The following ASPG variants were observed in gnomAD, a reference collection of about 807,000 sequenced individuals.
ASPG encodes the protein 60 kDa lysophospholipase.
In ASPG, 53 loss-of-function variants were observed where a neutral mutation model predicts 63.2. The observed-to-expected ratio is 0.84, with a 90% CI of 0.67 to 1.05. The LOEUF is 1.05. Ranked by LOEUF, ASPG falls within the 50% of genes least tolerant of loss-of-function variation. The pLI is 0.00. For missense variants in ASPG, 741 were observed against 794.4 expected, an observed-to-expected ratio of 0.93 and a Z score of 0.81; for synonymous variants, 370 against 355.0, an observed-to-expected ratio of 1.04 and a Z score of -0.48.
At chr14:104,108,501 G>A in intron 12 of ASPG, 2 of 985,436 alleles carry the variant, frequency 2.0e-6, no homozygotes, top group Non-Finnish European at 2.4e-6. Context: ...TGGGGTATGG[G>A]GAGGCCACTG....
At chr14:104,085,964 G>T in intron 1 of ASPG, 112 bp downstream of exon 1, 1 of 1,003,192 alleles carries the variant, frequency 1.0e-6, no homozygotes, top group Non-Finnish European at 1.4e-6. Context: ...CGCCTGGATG[G>T]GGGGTGCGGG....
chr14:104,111,659 C>G, intron 14 of ASPG, 58 bp downstream of exon 14: 1 of 1,422,726 alleles, frequency 7.0e-7, no homozygotes. Flanking sequence ...GGAAGGACAC[C>G]TGGACAATTC....
At position 104,092,754 on chromosome 14, in the gene ASPG, T is replaced by G; in HGVS notation, c.191+13T>G. 5 of 1,531,286 alleles carry G rather than the reference T, an allele frequency of 3.3e-6. No homozygotes were observed. The South Asian group carries it at 6.0e-5, about 18-fold the overall frequency. 94.9% of individuals were successfully genotyped at this position (1,531,286 alleles called of 1,614,324 possible). A position where few individuals can be genotyped will look rare whatever the true frequency, so the allele number is the denominator to read the frequency against. ...CCCTGGTGCTACCGTGAGTGTGGGC[T>G]CCTCCCAGTCCCGGACAGGGCATGG... is the stretch of plus-strand genomic sequence containing the variant. On this transcript the variant is annotated intron_variant, in intron 2 of 15. Transcript: ENST00000551177.
rs757196253 is a variant in ASPG, at chr14:104,098,922, G to A, written c.583G>A (p.Ala195Thr). The change falls in exon 6 of 16, where the codon GCA becomes ACA. Residue 195 changes from alanine to threonine, a missense_variant. Ala to Thr is a moderately conservative substitution (Grantham distance 58). Coordinates refer to ENST00000551177, the MANE Select transcript of ASPG (RefSeq NM_001080464.3). ...AACCAAGGTAGACGCTCGGAGGTTC[G>A]CAGCTTTCTGCTCCCCGAACCTGCT... Reference protein sequence around the residue: ...RATKVDARRFAAFCSPNLLPL... With the variant: ...RATKVDARRFTAFCSPNLLPL... 28 of 1,608,180 alleles carry A rather than the reference G, an allele frequency of 1.7e-5. No homozygotes were observed. Among genetic ancestry groups the A allele is most frequent in the East Asian group, 1.6e-4 (7 of 44,686 alleles).
intron 1 of ASPG, among the ~76,000 whole-genome samples, chr14:104,088,507 C>T (rs967514800): frequency 6.6e-6 from 1 of 152,180 alleles, no homozygotes; most frequent in African/African-American, 2.4e-5. Flanking sequence ...AAACTGGGAA[C>T]CCCACCTGCT....
At position 104,106,907 on chromosome 14, in the gene ASPG, C is replaced by A. The variant is rs140487877; in HGVS notation, c.1269+13C>A. On this transcript the variant is annotated intron_variant, in intron 11 of 15. Coordinates refer to ENST00000551177, the MANE Select transcript of ASPG (RefSeq NM_001080464.3). ...GCTTGTGGAGCTGGTGAGCCTCCCC[C>A]ACCCTGGGGGCCCAGCCCCAGCCAC... is the stretch of plus-strand genomic sequence containing the variant. The A allele has an allele frequency of 1.2e-4, 194 of 1,561,350 alleles. No homozygotes were observed. In the African/African-American group the frequency reaches 2.4e-3, roughly 19 times the overall value.
chr14:104,095,830 G>A (rs934531926), intron 4 of ASPG, among the ~76,000 whole-genome samples, 174 bp downstream of exon 4: 7 of 152,138 alleles, frequency 4.6e-5, no homozygotes, highest in Non-Finnish European at 8.8e-5. Flanking sequence ...TCCTGCCCGG[G>A]TGCCAGCACC....
Position 104,105,314 on chromosome 14 carries a change from G to A in ASPG, c.1051-14G>A. On this transcript the variant is annotated splice_polypyrimidine_tract_variant and intron_variant, in intron 9 of 15. Transcript: ENST00000551177. ...GCCCTGGCAGAGCCACTTCACCTCT[G>A]TTCTCTCCACCAGCTGCTGACCAAG... 1 of 1,612,584 alleles carries A rather than the reference G, an allele frequency of 6.2e-7. No individual in the cohort carries two copies. The highest frequency in any genetic ancestry group is 8.5e-7 in the Non-Finnish European group (1 of 1,179,740).
chr14:104,105,469 G>A lies in ASPG; in HGVS notation c.1173+19G>A. ...CAGCCAGGTAATGGCGTGGGACACG[G>A]GCCTGAGTGGCAGCTGGGGACTGTG... On this transcript the variant is annotated intron_variant, in intron 10 of 15. Transcript: ENST00000551177. 6.5e-7 allele frequency: 1 copy of A among 1,546,306 alleles called. No homozygotes were observed. The highest frequency in any genetic ancestry group is 8.7e-7 in the Non-Finnish European group (1 of 1,147,080).
intron 12 of ASPG, chr14:104,108,968 G>A: frequency 2.0e-6 from 2 of 985,376 alleles, no homozygotes; most frequent in South Asian, 9.4e-5. Flanking sequence ...CTGCCACAGA[G>A]TTGACCCCAC....
At chr14:104,090,319 C>T (rs138494060) in intron 1 of ASPG, among the ~76,000 whole-genome samples, 74 of 152,350 alleles carry the variant, frequency 4.9e-4, no homozygotes, top group African/African-American at 1.7e-3. Context: ...CCTTGCACAA[C>T]GTGAGCATGT....
chr14:104,093,235 C>G (rs149117010), intron 2 of ASPG: 29 of 571,822 alleles, frequency 5.1e-5, no homozygotes, highest in Non-Finnish European at 8.2e-5. Flanking sequence ...CCCAGCCCCC[C>G]TCTTCGAGCT....
rs1014477403 is a variant in ASPG, at chr14:104,110,399, C to T, written c.1520+1084C>T. ...CGGGGTGACTTGGTCAAGATTTGCACTCCAGACAGGCCTTGCTGGCTCCAT... is the reference window on the plus strand; with the variant it reads ...CGGGGTGACTTGGTCAAGATTTGCATTCCAGACAGGCCTTGCTGGCTCCAT... On this transcript the variant is annotated intron_variant, in intron 13 of 15. Coordinates refer to ENST00000551177, the MANE Select transcript of ASPG (RefSeq NM_001080464.3). The surrounding 1 kb of genome is among the most constrained non-coding windows in gnomAD (Gnocchi z 4.7). The T allele has an allele frequency of 2.6e-5, 26 of 985,246 alleles. No homozygotes were observed. Among genetic ancestry groups the T allele is most frequent in the Non-Finnish European group, 3.1e-5 (26 of 829,916 alleles). 61.0% of individuals were successfully genotyped at this position (985,246 alleles called of 1,614,324 possible).
chr14:104,095,792 C>A, intron 4 of ASPG, 136 bp downstream of exon 4: 2 of 1,207,848 alleles, frequency 1.7e-6, no homozygotes, highest in African/African-American at 1.5e-5. Flanking sequence ...TGCTGCAGGG[C>A]CCGTGCTGGG....
In ASPG at chr14:104,104,448, C is replaced by T; in HGVS notation, c.898C>T (p.Leu300Phe). The change falls in exon 8 of 16, where the codon CTC (leucine) becomes TTC (phenylalanine). Residue 300 changes from leucine to phenylalanine, a missense_variant. Coordinates refer to ENST00000551177, the MANE Select transcript of ASPG (RefSeq NM_001080464.3). ...GLVIVNCTHC[L>F]QGAVTTDYAA... ...GGTCATCGTCAACTGTACCCACTGC[C>T]TCCAGGGGGCTGTGACCACAGACTA... is the stretch of plus-strand genomic sequence containing the variant. 6.2e-7 allele frequency: 1 copy of T among 1,612,562 alleles called. No individual in the cohort carries two copies. Among genetic ancestry groups the T allele is most frequent in the Non-Finnish European group, 8.5e-7 (1 of 1,179,780 alleles).
intron 13 of ASPG, chr14:104,111,152 T>C (rs2037367635): frequency 1.0e-6 from 1 of 985,220 alleles, no homozygotes; most frequent in Non-Finnish European, 1.2e-6. Flanking sequence ...CATGTGCTCA[T>C]GTGTGTGTGC....
chr14:104,111,430 G>T, intron 13 of ASPG, 72 bp from the exon 14 acceptor site: 1 of 1,345,042 alleles, frequency 7.4e-7, no homozygotes, highest in Non-Finnish European at 1.0e-6. Context: ...GGCCACCTGG[G>T]GGACAGGCAC....
chr14:104,088,995 T>G (rs1481391614), intron 1 of ASPG, among the ~76,000 whole-genome samples: 2 of 152,132 alleles, frequency 1.3e-5, no homozygotes, highest in Non-Finnish European at 2.9e-5. Context: ...TAGTTAGGTG[T>G]GAAAGCCGGT....
intron 1 of ASPG, among the ~76,000 whole-genome samples, chr14:104,090,575 C>T (rs1317537329): frequency 6.6e-6 from 1 of 152,252 alleles, no homozygotes; most frequent in African/African-American, 2.4e-5. Context: ...CCCCTGCCAC[C>T]TCCAGTGTCT....
Sources: allele counts gnomAD v4.1 joint callset (sites outside exome capture counted in the v4.1 genomes callset), GRCh38; gene constraint gnomAD v4.1.1; non-coding constraint Gnocchi (gnomAD v3.1); transcripts MANE v1.5; gene names NCBI Gene and HGNC (gene_info 2026-07-23, HGNC 2026-07-21).